R3HDM1: variants seen among roughly 807,000 people sequenced by gnomAD.
The protein encoded by R3HDM1 is R3H domain containing 1.
R3HDM1 carries 46 observed loss-of-function variants against 141.1 expected under a neutral mutation model. That is an observed-to-expected ratio of 0.33 (90% confidence interval 0.26 to 0.42). R3HDM1 has a LOEUF of 0.42. R3HDM1 is among the 10% of genes least tolerant of loss of function. The probability of loss-of-function intolerance (pLI) is 1.00; values close to 1 mark genes in which losing one functional copy is unlikely to be tolerated. For synonymous variants in R3HDM1, 435 were observed against 472.9 expected, an observed-to-expected ratio of 0.92 and a Z score of 1.04; for missense variants, 1,184 against 1,368.3, an observed-to-expected ratio of 0.87 and a Z score of 2.12.
chr2:135,580,650 C>G (rs1706603794), intron 1 of R3HDM1, among the ~76,000 whole-genome samples: 1 of 152,304 alleles, frequency 6.6e-6, no homozygotes, highest in Middle Eastern at 3.4e-3. Context: ...CAGGAAAAGT[C>G]CCAGCTCTTA....
At position 135,639,012 on chromosome 2, in the gene R3HDM1, G is replaced by C; in HGVS notation, c.1109G>C (p.Arg370Pro). 1 of 1,614,114 alleles carries C rather than the reference G, an allele frequency of 6.2e-7. No individual in the cohort carries two copies. The highest frequency in any genetic ancestry group is 2.2e-5 in the East Asian group (1 of 44,880). The change falls in exon 14 of 27, where the codon CGA (arginine) becomes CCA (proline). Residue 370 changes from arginine (R) to proline (P), a missense_variant. Transcript: ENST00000683871. ...AGCACAGATTCAGACAGCTCTCTTC[G>C]AAACCTGAAACCTGCTGTAACCAAA... ...WSSTDSDSSL[R>P]NLKPAVTKAS...
intron 1 of R3HDM1, among the ~76,000 whole-genome samples, chr2:135,573,406 G>C (rs1559148655): frequency 1.3e-5 from 2 of 152,104 alleles, no homozygotes; most frequent in East Asian, 3.9e-4. Context: ...CTCCCATTCA[G>C]CTCCTGCCTG....
In R3HDM1 at chr2:135,554,155, C is replaced by G. The variant is rs1700308040; in HGVS notation, c.-250+22522C>G. Among the ~76,000 whole-genome samples the G allele has an allele frequency of 2.0e-5, 3 of 152,190 alleles. No individual in the cohort carries two copies. The South Asian group carries it at 6.2e-4, about 31-fold the overall frequency. On this transcript the variant is annotated intron_variant, in intron 1 of 26. Transcript: ENST00000683871. ...CATCTCTCCAAAAAGAAACCCCATA[C>G]CCATTAGCAGTCCCTTCCACATTCT...
chr2:135,615,155 T>G (rs1330583771), intron 3 of R3HDM1, among the ~76,000 whole-genome samples: 2 of 152,290 alleles, frequency 1.3e-5, no homozygotes, highest in East Asian at 3.9e-4. Flanking sequence ...TTGAAGAACT[T>G]TTGGCTCAAA....
At chr2:135,657,921 T>C (rs2066132374) in intron 18 of R3HDM1, among the ~76,000 whole-genome samples, 1 of 152,204 alleles carries the variant, frequency 6.6e-6, no homozygotes, top group Non-Finnish European at 1.5e-5. Flanking sequence ...CTGAGAAATT[T>C]ATCTCTAGTG....
At chr2:135,650,924 T>C (rs1313920765) in intron 17 of R3HDM1, 5 of 985,218 alleles carry the variant, frequency 5.1e-6, no homozygotes, top group Admixed American at 1.2e-4. Context: ...ATTGCCAGTC[T>C]GTGGTTTCTT....
chr2:135,723,885 C>T, intron 26 of R3HDM1, 52 bp from the exon 27 acceptor site: 1 of 1,468,838 alleles, frequency 6.8e-7, no homozygotes. Flanking sequence ...GCTTTTTTAC[C>T]CAACTTTTTT....
At chr2:135,626,952 G>A (rs2062110483) in intron 7 of R3HDM1, among the ~76,000 whole-genome samples, 1 of 152,046 alleles carries the variant, frequency 6.6e-6, no homozygotes, top group African/African-American at 2.4e-5. Flanking sequence ...TTAGCATAAT[G>A]TTTTTAAGGT....
At chr2:135,670,758 C>T (rs2068216841) in intron 19 of R3HDM1, among the ~76,000 whole-genome samples, 1 of 152,048 alleles carries the variant, frequency 6.6e-6, no homozygotes, top group Admixed American at 6.6e-5. Flanking sequence ...ATTAAGTCTA[C>T]ATTTTTAAAA....
In R3HDM1 at chr2:135,536,712, T is replaced by C. The variant is rs1003378637; in HGVS notation, c.-250+5079T>C. ...TTACTTTTGTGGGTTAGTTGTACAA[T>C]TAACTTTGCTAACCTGTCCTATAAG... On this transcript the variant is annotated intron_variant, in intron 1 of 26. Coordinates refer to ENST00000683871, the MANE Select transcript of R3HDM1 (RefSeq NM_001378107.1). 3.1e-6 allele frequency: 3 copies of C among 981,710 alleles called. No individual in the cohort carries two copies. In the African/African-American group the frequency reaches 5.2e-5, roughly 17 times the overall value. The allele number at this position is 981,710 out of a possible 1,614,324, so 60.8% of individuals were successfully genotyped here. A position where few individuals can be genotyped will look rare whatever the true frequency, so the allele number is the denominator to read the frequency against.
chr2:135,561,151 G>T (rs146130448), intron 1 of R3HDM1: 1 of 251,718 alleles, frequency 4.0e-6, no homozygotes, highest in African/African-American at 2.3e-5. Context: ...GTCTGACTCC[G>T]TCAGATTTCT....
intron 21 of R3HDM1, among the ~76,000 whole-genome samples, chr2:135,683,883 G>A (rs2070790497): frequency 6.6e-6 from 1 of 151,886 alleles, no homozygotes; most frequent in Non-Finnish European, 1.5e-5. Flanking sequence ...TGAAAAGCAG[G>A]GGTTGATCTA....
Position 135,639,102 on chromosome 2 carries a change from T to C in R3HDM1, c.1199T>C (p.Ile400Thr). 6.2e-7 allele frequency: 1 copy of C among 1,614,160 alleles called. No homozygotes were observed. Among genetic ancestry groups the C allele is most frequent in the Non-Finnish European group, 8.5e-7 (1 of 1,180,018 alleles). The change falls in exon 14 of 27, where the codon ATA (isoleucine) becomes ACA (threonine). Residue 400 changes from isoleucine (I) to threonine (T), a missense_variant. Ile to Thr is a moderately conservative substitution (Grantham distance 89, BLOSUM62 -1). Coordinates refer to ENST00000683871, the MANE Select transcript of R3HDM1 (RefSeq NM_001378107.1). ...GATAGTTCTGGAAGCAGCAAAAGCA[T>C]AGGCAGGCTTTCAAAAACAGGTATA... ...RGDSSGSSKS[I>T]GRLSKTGSES...
intron 1 of R3HDM1, among the ~76,000 whole-genome samples, chr2:135,577,779 G>A (rs901351767): frequency 6.9e-6 from 1 of 145,022 alleles, no homozygotes; most frequent in African/African-American, 2.6e-5. Context: ...CAGAGGTTAC[G>A]ACGAGCCAAG....
chr2:135,535,359 C>T (rs1335844009), intron 1 of R3HDM1, among the ~76,000 whole-genome samples: 8 of 151,990 alleles, frequency 5.3e-5, no homozygotes, highest in African/African-American at 1.9e-4. Context: ...ATTAGTAGGG[C>T]GTGTTGGCGG....
chr2:135,584,264 G>A, intron 1 of R3HDM1: 1 of 585,788 alleles, frequency 1.7e-6, no homozygotes, highest in Non-Finnish European at 2.1e-6. Context: ...GGAGGCAGAG[G>A]TTGCTGTGAG....
At chr2:135,628,237 T>C (rs1040311061) in intron 7 of R3HDM1, among the ~76,000 whole-genome samples, 1 of 152,184 alleles carries the variant, frequency 6.6e-6, no homozygotes, top group African/African-American at 2.4e-5. Context: ...ATTTGAAAAT[T>C]TGAAAGCTTG....
intron 19 of R3HDM1, among the ~76,000 whole-genome samples, chr2:135,662,332 G>A (rs2066835791): frequency 6.6e-6 from 1 of 152,206 alleles, no homozygotes; most frequent in East Asian, 1.9e-4. Context: ...CAGTTTAGGA[G>A]AAGCATCTCT....
chr2:135,715,001 T>G (rs947667089), intron 23 of R3HDM1, among the ~76,000 whole-genome samples: 4 of 152,194 alleles, frequency 2.6e-5, no homozygotes, highest in South Asian at 2.1e-4. Context: ...GAAAGTAGGA[T>G]GTATAGTCTG....
Sources: allele counts gnomAD v4.1 joint callset (sites outside exome capture counted in the v4.1 genomes callset), GRCh38; gene constraint gnomAD v4.1.1; transcripts MANE v1.5; gene names NCBI Gene and HGNC (gene_info 2026-07-23, HGNC 2026-07-21).